Variants in HEATR1 observed in about 807,000 individuals in gnomAD.
HEATR1 encodes HEAT repeat-containing protein 1.
Under a neutral mutation model 248.2 loss-of-function variants are expected in HEATR1, and 77 were observed. The ratio of observed to expected loss-of-function variants is 0.31; its 90% confidence interval spans 0.26 to 0.37. HEATR1 has a LOEUF of 0.37. Ranked by LOEUF, HEATR1 falls within the 10% of genes least tolerant of loss-of-function variation. HEATR1 has a pLI of 1.00. For synonymous variants in HEATR1, 897 were observed against 923.1 expected (o/e 0.97, Z 0.51); for missense variants, 2,420 against 2,504.9 (o/e 0.97, Z 0.72).
In HEATR1 at chr1:236,585,956, C is replaced by T. The variant is rs747174648; in HGVS notation, c.1928-15G>A. 13 of 1,612,678 alleles carry T rather than the reference C, an allele frequency of 8.1e-6. No homozygotes were observed. Among genetic ancestry groups the T allele is most frequent in the Non-Finnish European group, 1.0e-5 (12 of 1,179,312 alleles). On this transcript the variant is annotated splice_polypyrimidine_tract_variant and intron_variant, in intron 15 of 44. Transcript: ENST00000366582. ...ATTTTCAAGAGCTGTAAAGTAAAAT[C>T]GAATGCAGAGAGCTCTTATGTCACC... is the stretch of plus-strand genomic sequence containing the variant.
At chr1:236,586,152 A>AT in intron 15 of HEATR1, 89 bp downstream of exon 15, 7 of 92,030 alleles carry the variant, frequency 7.6e-5, no homozygotes. Flanking sequence ...ACTGGCATAT[A>AT]AGCATGACCA....
intron 24 of HEATR1, among the ~76,000 whole-genome samples, chr1:236,573,272 G>A (rs1283640186): frequency 6.6e-6 from 1 of 152,122 alleles, no homozygotes; most frequent in Non-Finnish European, 1.5e-5. Context: ...CATCCATACC[G>A]ATTGTTTCCA....
At chr1:236,590,614 AAAGAT>A (rs1302313542) in intron 12 of HEATR1, among the ~76,000 whole-genome samples, 1 of 152,206 alleles carries the variant, frequency 6.6e-6, no homozygotes, top group Non-Finnish European at 1.5e-5. Flanking sequence ...GAAAAACACT[AAAGAT>A]AAACAACTGT....
intron 29 of HEATR1, among the ~76,000 whole-genome samples, chr1:236,567,101 C>G (rs1176419263): frequency 6.6e-6 from 1 of 152,096 alleles, no homozygotes; most frequent in Non-Finnish European, 1.5e-5. Context: ...GATCCTCCTG[C>G]CCCAGCCTCC....
intron 36 of HEATR1, among the ~76,000 whole-genome samples, 168 bp downstream of exon 36, chr1:236,558,069 G>T (rs1458969931): frequency 6.6e-6 from 1 of 151,930 alleles, no homozygotes; most frequent in Non-Finnish European, 1.5e-5. Context: ...CTCCCAAAGT[G>T]GTGGGATCAC....
Position 236,596,130 on chromosome 1 carries a change from C to A in HEATR1, c.745-86G>T, listed in dbSNP as rs1664171717. The A allele has an allele frequency of 5.0e-6, 5 of 1,007,318 alleles. No homozygotes were observed. The Admixed American group carries it at 8.5e-5, about 17-fold the overall frequency. 62.4% of individuals were successfully genotyped at this position (1,007,318 alleles called of 1,614,324 possible). ...TGTTAATCTGACAAATTAGAAATGT[C>A]ATAGAGATTAATACAACCTAATGCA... On this transcript the variant is annotated intron_variant, in intron 6 of 44. Coordinates refer to ENST00000366582, the MANE Select transcript of HEATR1 (RefSeq NM_018072.6).
chr1:236,595,803 A>G (rs1474545733), intron 7 of HEATR1, 30 bp downstream of exon 7: 9 of 1,572,692 alleles, frequency 5.7e-6, no homozygotes, highest in Non-Finnish European at 7.9e-6. Flanking sequence ...ACCTCTGACT[A>G]GCACCATTTC....
chr1:236,591,051 C>T (rs1664022418), intron 11 of HEATR1, 97 bp from the exon 12 acceptor site: 3 of 490,762 alleles, frequency 6.1e-6, no homozygotes, highest in African/African-American at 2.0e-5. Context: ...AATTGCCCAA[C>T]ATTTTCAGTA....
chr1:236,581,540 A>G, intron 19 of HEATR1, 126 bp from the exon 20 acceptor site: 1 of 615,806 alleles, frequency 1.6e-6, no homozygotes, highest in Non-Finnish European at 2.6e-6. Context: ...GCTTTGTCTA[A>G]TCATTTCAAA....
At position 236,596,031 on chromosome 1, in the gene HEATR1, G is replaced by A; in HGVS notation, c.758C>T (p.Ser253Phe). 6.2e-7 allele frequency: 1 copy of A among 1,604,634 alleles called. No homozygotes were observed. The highest frequency in any genetic ancestry group is 8.5e-7 in the Non-Finnish European group (1 of 1,172,230). Residue 253 changes from serine to phenylalanine, a missense_variant, in exon 7 of 45, where the codon TCT becomes TTT. Coordinates refer to ENST00000366582, the MANE Select transcript of HEATR1 (RefSeq NM_018072.6). ...FPYIQKGLKS[S>F]LPDYRAATYM... ...TGTTGCAGCTCTGTAATCTGGTAAA[G>A]ATGATTTCAATCCCTAAATATTTTT...
chr1:236,566,908 G>A (rs762885677), intron 29 of HEATR1, 32 bp from the exon 30 acceptor site: 5 of 1,433,254 alleles, frequency 3.5e-6, no homozygotes, highest in Non-Finnish European at 9.8e-7. Context: ...CAATGAGTAG[G>A]TGCAAGTAAT....
intron 17 of HEATR1, among the ~76,000 whole-genome samples, chr1:236,584,375 C>T (rs760688353): frequency 6.6e-6 from 1 of 152,024 alleles, no homozygotes; most frequent in African/African-American, 2.4e-5. Flanking sequence ...CTAACAATGG[C>T]CATGATCAGA....
rs150073764 is a variant in HEATR1 at position 236,554,556 on chromosome 1, T to C, written c.6078+42A>G. 1.1e-5 allele frequency: 18 copies of C among 1,595,972 alleles called. No homozygotes were observed. In the East Asian group the frequency reaches 1.3e-4, roughly 12 times the overall value. ...TCTAAAACCTGCCAAGCTCGAACAG[T>C]GATGGCTTCCTCAGCAACGAAAGAT... On this transcript the variant is annotated intron_variant, in intron 42 of 44. Transcript: ENST00000366582.
rs1663038077 is a variant in HEATR1, at chr1:236,558,520, A to G, written c.4921T>C (p.Phe1641Leu). The G allele has an allele frequency of 6.2e-7, 1 of 1,611,544 alleles. No homozygotes were observed. The highest frequency in any genetic ancestry group is 1.3e-5 in the African/African-American group (1 of 74,834). ...AAAAGGTCTGGAACCAGTTTTAGGA[A>G]ACGGGTAACCTGAAGGGGACAGCCA... ...ISWKKTIVTR[F>L]LKLVPDLLAI... The change falls in exon 36 of 45, where the codon TTC becomes CTC. Residue 1641 changes from phenylalanine to leucine, a missense_variant. Phe to Leu is a conservative substitution (Grantham distance 22). Transcript: ENST00000366582.
chr1:236,592,537 C>T lies in HEATR1; in HGVS notation c.1290G>A (p.Arg430=), dbSNP rs2564739. 0.68 allele frequency: 934,911 copies of T among 1,383,712 alleles called. 321,875 individuals carry two copies. Among genetic ancestry groups the T allele is most frequent in the Non-Finnish European group, 0.71 (690,115 of 976,362 alleles). The allele number at this position is 1,383,712 out of a possible 1,614,324, so 85.7% of individuals were successfully genotyped here. Residue 430 remains arginine (R), a synonymous_variant, in exon 10 of 45, where the codon AGG becomes AGA. Coordinates refer to ENST00000366582, the MANE Select transcript of HEATR1 (RefSeq NM_018072.6). The stretch of plus-strand genomic sequence containing the variant: ...ACGTAACTTACTTGCTTTCTAAAAG[C>T]CTAATGAGTGGAAGAAATTGTTCAT... The part of the protein sequence containing the change: ...LLNEQFLPLI[R]LLESKYPRTL...
Position 236,582,768 on chromosome 1 carries a change from G to A in HEATR1, c.2530C>T (p.His844Tyr), listed in dbSNP as rs139503389. 2.5e-6 allele frequency: 4 copies of A among 1,614,122 alleles called. No individual in the cohort carries two copies. In the Admixed American group the frequency reaches 6.7e-5, roughly 27 times the overall value. ...AAAAGTTTCATCAGAACTCTGAAAT[G>A]AACAGCATCGGCACCATTGAGCATC... ...EMMLNGADAV[H>Y]FRVLMKLFIK... is the part of the protein sequence containing the mutation. The change falls in exon 19 of 45, where the codon CAT (histidine) becomes TAT (tyrosine). Residue 844 changes from histidine (H) to tyrosine (Y), a missense_variant. By Grantham distance (83) the His-to-Tyr change is moderately conservative. Transcript: ENST00000366582.
chr1:236,555,892 C>T lies in HEATR1; in HGVS notation c.5562G>A (p.Val1854=), dbSNP rs1426225255. ...FMSILQEHIG[V]MKKEELTSHQ... ...GGGAGGTGAGCTCTTCCTTCTTCAT[C>T]ACCCCAATATGCTCTTGCAAGATGC... The change falls in exon 39 of 45, where the codon GTG becomes GTA. Residue 1854 remains valine (V), a synonymous_variant. Transcript: ENST00000366582. 29 of 1,613,586 alleles carry T rather than the reference C, an allele frequency of 1.8e-5. No individual in the cohort carries two copies. Among genetic ancestry groups the T allele is most frequent in the Non-Finnish European group, 2.3e-5 (27 of 1,179,584 alleles).
Position 236,593,933 on chromosome 1 carries a change from G to A in HEATR1, c.1193+79C>T, listed in dbSNP as rs868281284. The A allele has an allele frequency of 9.6e-6, 9 of 934,238 alleles. No homozygotes were observed. The African/African-American group carries it at 1.2e-4, about 12-fold the overall frequency. 57.9% of individuals were successfully genotyped at this position (934,238 alleles called of 1,614,324 possible). A position where few individuals can be genotyped will look rare whatever the true frequency, so the allele number is the denominator to read the frequency against. ...AGATATACATTAAAAAGGAATGCTG[G>A]GAAATTTCTAACCAATCTTGAAAAT... is the stretch of plus-strand genomic sequence containing the variant. On this transcript the variant is annotated intron_variant, in intron 9 of 44. Coordinates refer to ENST00000366582, the MANE Select transcript of HEATR1 (RefSeq NM_018072.6).
Position 236,581,313 on chromosome 1 carries a change from C to T in HEATR1, c.2664G>A (p.Val888=), listed in dbSNP as rs1293576711. ...SNPLNCSVKT[V]LQTQALYVGC... ...CCACATAAAGAGCTTGAGTCTGCAG[C>T]ACTGTTTTCACACTGCAGTTTAGTG... is the stretch of plus-strand genomic sequence containing the variant. The change falls in exon 20 of 45, where the codon GTG becomes GTA. Residue 888 remains valine (V), a synonymous_variant. Coordinates refer to ENST00000366582, the MANE Select transcript of HEATR1 (RefSeq NM_018072.6). 1 of 1,613,156 alleles carries T rather than the reference C, an allele frequency of 6.2e-7. No individual in the cohort carries two copies. The highest frequency in any genetic ancestry group is 1.7e-5 in the Admixed American group (1 of 59,890).
Sources: gnomAD v4.1 joint callset for allele counts (sites outside exome capture counted in the v4.1 genomes callset) on GRCh38, gnomAD v4.1.1 for gene constraint, MANE v1.5 for transcripts, NCBI Gene and HGNC (gene_info 2026-07-23, HGNC 2026-07-21) for gene names.